The following CSMD1 variants were observed in gnomAD, a reference collection of about 807,000 sequenced individuals.
CSMD1 encodes the protein CUB and Sushi multiple domains 1, also known as CUB and sushi domain-containing protein 1.
Under a neutral mutation model 417.5 loss-of-function variants are expected in CSMD1, and 213 were observed. The ratio of observed to expected loss-of-function variants is 0.51; its 90% CI spans 0.46 to 0.57. CSMD1 has a LOEUF of 0.57. Among genes scored for constraint, CSMD1 ranks in the 20% least tolerant of loss-of-function variants. CSMD1 has a pLI of 0.00. For missense variants in CSMD1, 6,923 were observed against 4,529.7 expected, an observed-to-expected ratio of 1.53 and a Z score of -15.17; for synonymous variants, 2,862 against 1,736.8, an observed-to-expected ratio of 1.65 and a Z score of -16.11.
At chr8:4,964,885 G>T (rs920605162) in intron 1 of CSMD1, among the ~76,000 whole-genome samples, 1 of 152,150 alleles carries the variant, frequency 6.6e-6, no homozygotes, top group African/African-American at 2.4e-5. Context: ...TGATGGTTCT[G>T]GAGCGGAGTT....
chr8:3,577,805 G>A (rs751411826), intron 9 of CSMD1, among the ~76,000 whole-genome samples: 3 of 152,062 alleles, frequency 2.0e-5, no homozygotes, highest in Non-Finnish European at 4.4e-5. Flanking sequence ...CCCCTATTTG[G>A]CTCGTTATGA....
In CSMD1 at chr8:3,277,096, C is replaced by T. The variant is rs540197478; in HGVS notation, c.4153+7048G>A. On this transcript the variant is annotated intron_variant, in intron 26 of 69. Transcript: ENST00000635120. ...GTCAGTCCAGTGTGTAACAGGAACACACATCCAAGCTGAGAGAGGCTAGCA... is the reference window on the plus strand; with the variant it reads ...GTCAGTCCAGTGTGTAACAGGAACATACATCCAAGCTGAGAGAGGCTAGCA... Among the ~76,000 whole-genome samples the T allele has an allele frequency of 2.0e-5, 3 of 152,182 alleles. No homozygotes were observed. The East Asian group carries it at 5.8e-4, about 30-fold the overall frequency.
At chr8:3,725,837 A>G (rs1257300816) in intron 6 of CSMD1, among the ~76,000 whole-genome samples, 1 of 152,192 alleles carries the variant, frequency 6.6e-6, no homozygotes, top group African/African-American at 2.4e-5. Context: ...CAACCCATGT[A>G]TTCCACTTGC....
chr8:4,090,851 G>C (rs956010268), intron 3 of CSMD1, among the ~76,000 whole-genome samples: 3 of 151,832 alleles, frequency 2.0e-5, no homozygotes, highest in Admixed American at 6.6e-5. Context: ...TTGGCGAAGG[G>C]ATGCCATAAC....
At position 3,929,609 on chromosome 8, in the gene CSMD1, T is replaced by G. The variant is rs151165760; in HGVS notation, c.818+68294A>C. On this transcript the variant is annotated intron_variant, in intron 5 of 69. Coordinates refer to ENST00000635120, the MANE Select transcript of CSMD1 (RefSeq NM_033225.6). ...AAAAAATAAATGTGGCTGCATTATT[T>G]TGTCTTTAAAAGGAAGAGTATATTG... Among the ~76,000 whole-genome samples, 33 of 150,828 alleles carry G rather than the reference T, an allele frequency of 2.2e-4. 2 individuals are homozygous for G. The East Asian group carries it at 6.4e-3, about 29-fold the overall frequency.
At chr8:3,687,690 C>G (rs75644136) in intron 7 of CSMD1, among the ~76,000 whole-genome samples, 3 of 152,168 alleles carry the variant, frequency 2.0e-5, no homozygotes, top group African/African-American at 7.2e-5. Flanking sequence ...TGAGCCCCAC[C>G]GTGCTAACTG....
intron 5 of CSMD1, among the ~76,000 whole-genome samples, chr8:3,916,810 G>T: frequency 6.6e-6 from 1 of 152,080 alleles, no homozygotes; most frequent in East Asian, 1.9e-4. Context: ...TGTGAAGATG[G>T]ATTATGGGGG....
At chr8:4,475,804 G>T (rs1458115163) in intron 2 of CSMD1, among the ~76,000 whole-genome samples, 1 of 151,932 alleles carries the variant, frequency 6.6e-6, no homozygotes. Flanking sequence ...GTACAGATGG[G>T]ATTTCATTAT....
intron 3 of CSMD1, among the ~76,000 whole-genome samples, chr8:4,243,872 G>T (rs1275763106): frequency 6.6e-6 from 1 of 152,164 alleles, no homozygotes; most frequent in Non-Finnish European, 1.5e-5. Context: ...GCCTTGATTT[G>T]TGGTTCCTGT....
intron 11 of CSMD1, among the ~76,000 whole-genome samples, chr8:3,470,876 G>A (rs1459954720): frequency 6.6e-6 from 1 of 152,186 alleles, no homozygotes; most frequent in East Asian, 1.9e-4. Context: ...TCGCTGGGTA[G>A]TATGTCATGT....
intron 40 of CSMD1, among the ~76,000 whole-genome samples, chr8:3,146,595 C>A (rs1440265566): frequency 6.6e-6 from 1 of 152,140 alleles, no homozygotes; most frequent in African/African-American, 2.4e-5. Context: ...TTGTGAGCAA[C>A]CACAGCTTAT....
At chr8:4,032,247 C>CT in intron 3 of CSMD1, 148 bp from the exon 4 acceptor site, 1 of 598,884 alleles carries the variant, frequency 1.7e-6, no homozygotes, top group Non-Finnish European at 2.9e-6. Context: ...AAAAAATAAA[C>CT]TGAGAAAATG....
At chr8:4,048,862 G>C (rs938877143) in intron 3 of CSMD1, among the ~76,000 whole-genome samples, 5 of 152,186 alleles carry the variant, frequency 3.3e-5, no homozygotes, top group East Asian at 3.8e-4. Context: ...AATACAGATA[G>C]ATCAAGCTCA....
intron 3 of CSMD1, among the ~76,000 whole-genome samples, chr8:4,185,660 T>C (rs1036801727): frequency 7.9e-5 from 12 of 152,218 alleles, no homozygotes; most frequent in Admixed American, 2.0e-4. Context: ...CATTTTAACA[T>C]AGTCACGTAA....
intron 14 of CSMD1, among the ~76,000 whole-genome samples, chr8:3,407,431 A>AGATGGAAGGATGGATGGAAAGATG (rs1812420393): frequency 7.0e-6 from 1 of 143,002 alleles, no homozygotes; most frequent in Non-Finnish European, 1.5e-5. Flanking sequence ...ATGGATGGAT[A>AGATGGAAGGATGGATGGAAAGATG]GATGGAAGGA....
chr8:3,462,051 ACTGAC>A (rs1428362731), intron 12 of CSMD1, among the ~76,000 whole-genome samples: 1 of 152,044 alleles, frequency 6.6e-6, no homozygotes, highest in Non-Finnish European at 1.5e-5. Context: ...GATGGAGAAT[ACTGAC>A]CAGTGCTAGT....
rs750295547 is a variant in CSMD1, at chr8:4,100,513, A to T, written c.416-68414T>A. 2.8e-4 allele frequency among the ~76,000 whole-genome samples: 43 copies of T among 152,330 alleles called. 1 individual carries two copies. Among genetic ancestry groups the T allele is most frequent in the Admixed American group, 2.0e-3 (31 of 15,292 alleles). On this transcript the variant is annotated intron_variant, in intron 3 of 69. Transcript: ENST00000635120. ...GTCTCATCAACTATAAAATGGATTA[A>T]AAATGGGTATCTTATAGAAGTGTTG...
At chr8:3,613,433 GAAC>G (rs934887761) in intron 8 of CSMD1, among the ~76,000 whole-genome samples, 2 of 151,384 alleles carry the variant, frequency 1.3e-5, no homozygotes, top group African/African-American at 4.9e-5. Flanking sequence ...ACTCTGACAG[GAAC>G]AACAAAGTCT....
intron 7 of CSMD1, among the ~76,000 whole-genome samples, chr8:3,634,283 C>T (rs998200938): frequency 1.3e-5 from 2 of 152,124 alleles, no homozygotes; most frequent in African/African-American, 4.8e-5. Context: ...ATTGGAGCAC[C>T]CCTCTGGTAG....
Sources: allele counts gnomAD v4.1 joint callset (sites outside exome capture counted in the v4.1 genomes callset), GRCh38; gene constraint gnomAD v4.1.1; transcripts MANE v1.5; gene names NCBI Gene and HGNC (gene_info 2026-07-23, HGNC 2026-07-21).